The following PCLO variants were observed in gnomAD, a reference collection of about 807,000 sequenced individuals.
PCLO encodes piccolo presynaptic cytomatrix protein.
Under a neutral mutation model 427.5 loss-of-function variants are expected in PCLO, and 82 were observed. That is an observed-to-expected ratio of 0.19 (90% confidence interval 0.16 to 0.23). The LOEUF (loss-of-function observed/expected upper bound fraction) is 0.23, where lower values mean the gene tolerates loss of function less well. PCLO is among the 10% of genes least tolerant of loss of function. The pLI, the probability that PCLO is intolerant of heterozygous loss-of-function variation, is 1.00. For synonymous variants in PCLO, 2,357 were observed against 2,155.4 expected (o/e 1.09, Z -2.59); for missense variants, 6,239 against 6,115.9 (o/e 1.02, Z -0.67).
chr7:83,011,909 G>A (rs1788086727), intron 3 of PCLO, among the ~76,000 whole-genome samples: 1 of 152,110 alleles, frequency 6.6e-6, no homozygotes, highest in Non-Finnish European at 1.5e-5. Flanking sequence ...CTGAATGACA[G>A]ACTCTGCTAG....
At chr7:82,762,651 G>GACA (rs3064832) in intron 22 of PCLO, among the ~76,000 whole-genome samples, 80,619 of 148,776 alleles carry the variant, frequency 0.54, 21,855 homozygotes, top group East Asian at 0.84. Flanking sequence ...CAAATCAAAT[G>GACA]ACAACTGCTT....
At chr7:82,764,159 GAGAA>G (rs1367099572) in intron 22 of PCLO, among the ~76,000 whole-genome samples, 1 of 151,848 alleles carries the variant, frequency 6.6e-6, no homozygotes, top group African/African-American at 2.4e-5. Context: ...AGAAGGGAGA[GAGAA>G]AGAGGAAAGC....
At chr7:82,999,411 T>G (rs1410482073) in intron 3 of PCLO, among the ~76,000 whole-genome samples, 1 of 94,562 alleles carries the variant, frequency 1.1e-5, no homozygotes, top group African/African-American at 3.9e-5. Flanking sequence ...ACTATTCCAT[T>G]ATATAATATA....
In PCLO at chr7:82,758,246, T is replaced by A. The variant is rs1056915737; in HGVS notation, c.*329A>T. ...GTGCTGCATGAAAACCACATTAATC[T>A]TTGAGCCTGTCTTAAGCTATAGCTC... On this transcript the variant is annotated 3_prime_UTR_variant, in exon 25 of 25. Coordinates refer to ENST00000333891, the MANE Select transcript of PCLO (RefSeq NM_033026.6). The A allele has an allele frequency of 5.5e-6, 1 of 182,652 alleles. No individual in the cohort carries two copies. Among genetic ancestry groups the A allele is most frequent in the Non-Finnish European group, 1.1e-5 (1 of 88,778 alleles). The allele number at this position is 182,652 out of a possible 1,614,324, so 11.3% of individuals were successfully genotyped here.
At chr7:83,056,624 C>T (rs1038346019) in intron 3 of PCLO, among the ~76,000 whole-genome samples, 1 of 152,026 alleles carries the variant, frequency 6.6e-6, no homozygotes, top group Non-Finnish European at 1.5e-5. Context: ...TTTCGAATAT[C>T]CTTAAAAGAT....
At chr7:83,025,817 A>C (rs960606081) in intron 3 of PCLO, among the ~76,000 whole-genome samples, 5 of 152,322 alleles carry the variant, frequency 3.3e-5, no homozygotes, top group Admixed American at 6.5e-5. Flanking sequence ...CTCAAAGAAA[A>C]GAATTTTCAA....
chr7:83,032,943 G>T (rs748799715), intron 3 of PCLO, among the ~76,000 whole-genome samples: 2 of 152,064 alleles, frequency 1.3e-5, no homozygotes, highest in South Asian at 2.1e-4. Context: ...AGGGACCTGG[G>T]GAGAAGTGAT....
rs915822085 is a variant in PCLO, at chr7:83,162,498, G to A, written c.95C>T (p.Pro32Leu). Reference protein sequence around the residue: ...AGGGASGAGSPSHTAIPAGME... With the variant: ...AGGGASGAGSLSHTAIPAGME... Reference sequence around the variant, plus strand: ...GCCGGCCGGGATCGCGGTGTGAGAGGGGCTCCCCGCCCCGCTAGCTCCTCC... The same window carrying A: ...GCCGGCCGGGATCGCGGTGTGAGAGAGGCTCCCCGCCCCGCTAGCTCCTCC... The change falls in exon 1 of 25, where the codon CCC becomes CTC. Residue 32 changes from proline to leucine, a missense_variant. Physicochemically the swap from Pro to Leu is moderately conservative, Grantham distance 98 (BLOSUM62 -3). Transcript: ENST00000333891. The A allele has an allele frequency of 1.9e-6, 3 of 1,569,656 alleles. No individual in the cohort carries two copies. Among genetic ancestry groups the A allele is most frequent in the Non-Finnish European group, 1.7e-6 (2 of 1,157,654 alleles).
intron 22 of PCLO, among the ~76,000 whole-genome samples, chr7:82,781,512 A>G (rs1296310478): frequency 2.2e-5 from 3 of 138,444 alleles, no homozygotes; most frequent in African/African-American, 5.5e-5. Context: ...TGTGTTCTCA[A>G]TGAGTAACTG....
chr7:82,770,872 T>C (rs1790632395), intron 22 of PCLO, among the ~76,000 whole-genome samples: 2 of 151,942 alleles, frequency 1.3e-5, no homozygotes, highest in African/African-American at 4.8e-5. Flanking sequence ...TTTTATCTTC[T>C]GGTATATCAT....
intron 22 of PCLO, among the ~76,000 whole-genome samples, chr7:82,776,664 G>A (rs1026555604): frequency 2.6e-5 from 4 of 151,948 alleles, no homozygotes; most frequent in South Asian, 2.1e-4. Context: ...CTGTGATGGC[G>A]TGCGCCTGTA....
At chr7:82,864,118 A>C (rs1298418451) in intron 10 of PCLO, among the ~76,000 whole-genome samples, 1 of 152,110 alleles carries the variant, frequency 6.6e-6, no homozygotes, top group Non-Finnish European at 1.5e-5. Flanking sequence ...TTAATTTTTA[A>C]GTTATACAGA....
chr7:82,974,037 T>G (rs1795963235), intron 3 of PCLO, among the ~76,000 whole-genome samples: 1 of 152,184 alleles, frequency 6.6e-6, no homozygotes, highest in African/African-American at 2.4e-5. Context: ...TGTGAATTAT[T>G]ACATTAACAC....
In PCLO at chr7:82,755,101, CA is replaced by C. The variant is rs1285544434; in HGVS notation, c.*3473del. The C allele has an allele frequency of 2.0e-5, 3 of 151,986 alleles. No homozygotes were observed. The highest frequency in any genetic ancestry group is 4.8e-5 in the African/African-American group (2 of 41,410). 9.4% of individuals were successfully genotyped at this position (151,986 alleles called of 1,614,324 possible). ...TTCACATCACCACCACCGCTAATAT[CA>C]CTACTGCTACCACCACTATCATTAC... On this transcript the variant is annotated 3_prime_UTR_variant, in exon 25 of 25. Transcript: ENST00000333891.
intron 3 of PCLO, among the ~76,000 whole-genome samples, chr7:83,031,470 T>C (rs1284516329): frequency 6.6e-6 from 1 of 152,200 alleles, no homozygotes; most frequent in African/African-American, 2.4e-5. Flanking sequence ...TGCCCCCTTG[T>C]TAGCTTCTAT....
chr7:82,989,931 A>G (rs1469849972), intron 3 of PCLO, among the ~76,000 whole-genome samples: 1 of 152,180 alleles, frequency 6.6e-6, no homozygotes, highest in Non-Finnish European at 1.5e-5. Flanking sequence ...AGCATCACAT[A>G]GGGAGTACTT....
At chr7:82,964,094 A>G (rs1030773598) in intron 4 of PCLO, among the ~76,000 whole-genome samples, 1 of 152,072 alleles carries the variant, frequency 6.6e-6, no homozygotes, top group Non-Finnish European at 1.5e-5. Context: ...GAGAAGGGAG[A>G]AAAGGAAGGC....
chr7:83,098,034 C>T (rs1026786354), intron 3 of PCLO, among the ~76,000 whole-genome samples: 1 of 151,982 alleles, frequency 6.6e-6, no homozygotes, highest in Non-Finnish European at 1.5e-5. Context: ...CATATTTCTA[C>T]ATTGTTATTA....
At chr7:83,018,293 A>G (rs1198120396) in intron 3 of PCLO, among the ~76,000 whole-genome samples, 1 of 152,000 alleles carries the variant, frequency 6.6e-6, no homozygotes, top group Non-Finnish European at 1.5e-5. Flanking sequence ...ATATATAAAG[A>G]ATGTTAGATA....
Sources: gnomAD v4.1 joint callset for allele counts (sites outside exome capture counted in the v4.1 genomes callset) on GRCh38, gnomAD v4.1.1 for gene constraint, MANE v1.5 for transcripts, NCBI Gene and HGNC (gene_info 2026-07-23, HGNC 2026-07-21) for gene names.